The following TRABD2B variants were observed in gnomAD, a reference collection of about 807,000 sequenced individuals.
The protein encoded by TRABD2B is metalloprotease TIKI2.
TRABD2B carries 14 observed loss-of-function variants against 40.1 expected under a neutral mutation model. The ratio of observed to expected loss-of-function variants is 0.35; its 90% CI spans 0.23 to 0.55. TRABD2B has a LOEUF of 0.55. TRABD2B is among the 20% of genes least tolerant of loss of function. The pLI is 0.90. For missense variants in TRABD2B, 541 were observed against 648.6 expected (o/e 0.83, Z 1.80); for synonymous variants, 263 against 277.0 (o/e 0.95, Z 0.50).
chr1:47,778,563 A>C lies in TRABD2B; in HGVS notation c.989-19T>G, dbSNP rs1557559603. 6.5e-7 allele frequency: 1 copy of C among 1,528,986 alleles called. No homozygotes were observed. Among genetic ancestry groups the C allele is most frequent in the Non-Finnish European group, 8.8e-7 (1 of 1,140,412 alleles). The allele number at this position is 1,528,986 out of a possible 1,614,324, so 94.7% of individuals were successfully genotyped here. ...AAGTGACCTGGAACACAAGTGACAA[A>C]AGGGGCTCAGCCACATGCCAGGCCA... On this transcript the variant is annotated intron_variant, in intron 4 of 6. Transcript: ENST00000606738.
At chr1:47,877,848 CG>C (rs950107523) in intron 2 of TRABD2B, among the ~76,000 whole-genome samples, 2 of 151,764 alleles carry the variant, frequency 1.3e-5, no homozygotes, top group African/African-American at 4.8e-5. Flanking sequence ...AAAAATTAGC[CG>C]GGTGTGGTGG....
chr1:47,969,362 C>T (rs75229446), intron 2 of TRABD2B, among the ~76,000 whole-genome samples: 21,614 of 152,042 alleles, frequency 0.14, 2,076 homozygotes, highest in African/African-American at 0.27. Flanking sequence ...TCAGCCTGTC[C>T]CCCAGGTGCC....
intron 4 of TRABD2B, among the ~76,000 whole-genome samples, chr1:47,786,542 C>T (rs1018955166): frequency 1.3e-5 from 2 of 152,244 alleles, no homozygotes; most frequent in Admixed American, 1.3e-4. Flanking sequence ...ACAGGAATGC[C>T]AGTTGCCAGA....
intron 2 of TRABD2B, among the ~76,000 whole-genome samples, chr1:47,990,789 A>T (rs1372273319): frequency 3.3e-5 from 1 of 30,146 alleles, no homozygotes; most frequent in Non-Finnish European, 5.9e-5. Context: ...ATATATATAT[A>T]TATATATATA....
chr1:47,767,014 G>A (rs1413540750), intron 6 of TRABD2B, among the ~76,000 whole-genome samples: 1 of 152,142 alleles, frequency 6.6e-6, no homozygotes, highest in African/African-American at 2.4e-5. Context: ...GGTACTCAGG[G>A]CCAGGTTACT....
chr1:47,766,833 T>C (rs945643111), intron 6 of TRABD2B, among the ~76,000 whole-genome samples: 1 of 152,152 alleles, frequency 6.6e-6, no homozygotes, highest in African/African-American at 2.4e-5. Flanking sequence ...GTGCAGTCTT[T>C]CACGAATTTA....
intron 2 of TRABD2B, among the ~76,000 whole-genome samples, chr1:47,980,580 C>G (rs890205339): frequency 6.6e-6 from 1 of 152,202 alleles, no homozygotes; most frequent in African/African-American, 2.4e-5. Context: ...AACAGAGATT[C>G]CTCTAGGCTG....
chr1:47,976,740 T>C (rs1281987988), intron 2 of TRABD2B, among the ~76,000 whole-genome samples: 1 of 152,208 alleles, frequency 6.6e-6, no homozygotes, highest in Non-Finnish European at 1.5e-5. Context: ...TTTGCATACA[T>C]GCTTGGTACA....
chr1:47,871,118 A>G (rs1416594713), intron 2 of TRABD2B, among the ~76,000 whole-genome samples: 1 of 152,208 alleles, frequency 6.6e-6, no homozygotes, highest in Non-Finnish European at 1.5e-5. Flanking sequence ...AAACAAGCCT[A>G]TGAGGTAGAT....
At chr1:47,796,532 C>G (rs1644750512) in intron 3 of TRABD2B, among the ~76,000 whole-genome samples, 1 of 152,244 alleles carries the variant, frequency 6.6e-6, no homozygotes, top group Non-Finnish European at 1.5e-5. Flanking sequence ...CTAAGGGACT[C>G]TAAGGAGGCT....
chr1:47,956,675 C>T (rs949761318), intron 2 of TRABD2B, among the ~76,000 whole-genome samples: 5 of 152,250 alleles, frequency 3.3e-5, no homozygotes, highest in Non-Finnish European at 7.3e-5. Context: ...CCCGCCATTG[C>T]TGAGGCTTGA....
At chr1:47,993,334 C>T (rs1290590612) in intron 2 of TRABD2B, among the ~76,000 whole-genome samples, 1 of 152,226 alleles carries the variant, frequency 6.6e-6, no homozygotes, top group African/African-American at 2.4e-5. Flanking sequence ...CTCTGGCAGC[C>T]AGAGACTTTA....
At chr1:47,927,759 C>T (rs1028503721) in intron 2 of TRABD2B, among the ~76,000 whole-genome samples, 2 of 152,242 alleles carry the variant, frequency 1.3e-5, no homozygotes, top group African/African-American at 4.8e-5. Context: ...CTCTGAGCCT[C>T]TGATTCCTCA....
intron 2 of TRABD2B, among the ~76,000 whole-genome samples, chr1:47,926,420 G>C (rs1644969949): frequency 6.6e-6 from 1 of 152,204 alleles, no homozygotes; most frequent in African/African-American, 2.4e-5. Flanking sequence ...CATCTGGGGA[G>C]GAGGAAAGCA....
intron 2 of TRABD2B, among the ~76,000 whole-genome samples, chr1:47,957,099 T>A (rs1645435623): frequency 6.6e-6 from 1 of 152,234 alleles, no homozygotes; most frequent in Admixed American, 6.5e-5. Flanking sequence ...AAACAGTGTC[T>A]GGAGTGGACC....
At position 47,862,909 on chromosome 1, in the gene TRABD2B, G is replaced by A. The variant is rs117185590; in HGVS notation, c.667-61290C>T. Reference sequence around the variant, plus strand: ...AAATAGATCAAATGCAACAGAAAAGGGTGCCCAGAAATAGACTCACATAAA... The same window carrying A: ...AAATAGATCAAATGCAACAGAAAAGAGTGCCCAGAAATAGACTCACATAAA... On this transcript the variant is annotated intron_variant, in intron 2 of 6. Coordinates refer to ENST00000606738, the MANE Select transcript of TRABD2B (RefSeq NM_001194986.2). Among the ~76,000 whole-genome samples, 77 of 152,130 alleles carry A rather than the reference G, an allele frequency of 5.1e-4. 1 individual carries two copies. In the East Asian group the frequency reaches 0.014, roughly 29 times the overall value.
intron 2 of TRABD2B, among the ~76,000 whole-genome samples, chr1:47,904,880 G>T (rs1182431214): frequency 6.6e-6 from 1 of 152,172 alleles, no homozygotes; most frequent in East Asian, 1.9e-4. Flanking sequence ...CCCGATATAG[G>T]CTGACTCCTA....
intron 2 of TRABD2B, among the ~76,000 whole-genome samples, chr1:47,919,731 G>C (rs1403369053): frequency 1.3e-5 from 2 of 152,232 alleles, no homozygotes; most frequent in African/African-American, 4.8e-5. Flanking sequence ...TCCTGTGCCT[G>C]AGCTGGGTCA....
chr1:47,794,782 T>A (rs1176615310), intron 3 of TRABD2B, 22 bp from the exon 4 acceptor site: 2 of 1,298,232 alleles, frequency 1.5e-6, no homozygotes, highest in Non-Finnish European at 2.0e-6. Context: ...AGACAGAGGC[T>A]GCCTTCAGTT....
Sources: allele counts gnomAD v4.1 joint callset (sites outside exome capture counted in the v4.1 genomes callset), GRCh38; gene constraint gnomAD v4.1.1; transcripts MANE v1.5; gene names NCBI Gene and HGNC (gene_info 2026-07-23, HGNC 2026-07-21).